The following PCDHA2 variants were observed in gnomAD, a reference collection of about 807,000 sequenced individuals.
PCDHA2 encodes the protein protocadherin alpha 2, also known as protocadherin alpha-2.
In PCDHA2, 58 loss-of-function variants were observed where a neutral mutation model predicts 66.0. The ratio of observed to expected loss-of-function variants is 0.88; its 90% confidence interval spans 0.71 to 1.09. PCDHA2 has a LOEUF of 1.09. PCDHA2 is among the 50% of genes least tolerant of loss of function. PCDHA2 has a pLI of 0.00. For synonymous variants in PCDHA2, 634 were observed against 554.0 expected (o/e 1.14, Z -2.03); for missense variants, 1,267 against 1,242.3 (o/e 1.02, Z -0.30).
At chr5:140,895,389 C>T (rs553681530) in intron 1 of PCDHA2, among the ~76,000 whole-genome samples, 1 of 152,098 alleles carries the variant, frequency 6.6e-6, no homozygotes, top group South Asian at 2.1e-4. Context: ...CTTCAATTCT[C>T]AACACCATCA....
At chr5:140,800,623 C>G (rs1253253440) in intron 1 of PCDHA2, among the ~76,000 whole-genome samples, 1 of 152,036 alleles carries the variant, frequency 6.6e-6, no homozygotes, top group African/African-American at 2.4e-5. Flanking sequence ...TCCCATCGTA[C>G]CAAGAGATAA....
chr5:140,884,441 GCACCGCCCACCGAGGGC>G (rs782266354), intron 1 of PCDHA2: 1 of 1,613,812 alleles, frequency 6.2e-7, no homozygotes, highest in Non-Finnish European at 8.5e-7. Flanking sequence ...GCGGTGCTCG[GCACCGCCCACCGAGGGC>G]GCGTGCGCGC....
intron 1 of PCDHA2, chr5:140,869,538 T>C (rs536846543): frequency 1.2e-6 from 2 of 1,614,204 alleles, no homozygotes; most frequent in East Asian, 4.5e-5. Context: ...TTGCGGAATC[T>C]AAGCAATCGG....
chr5:140,803,159 C>T (rs200661884), intron 1 of PCDHA2: 4 of 1,613,776 alleles, frequency 2.5e-6, no homozygotes, highest in African/African-American at 1.3e-5. Flanking sequence ...TGAAGGACCA[C>T]GGTGAACCCT....
intron 1 of PCDHA2, among the ~76,000 whole-genome samples, chr5:140,919,377 A>G (rs2079104195): frequency 1.3e-5 from 2 of 152,208 alleles, no homozygotes; most frequent in Non-Finnish European, 2.9e-5. Context: ...CAGACAACAC[A>G]TAGTTGGATG....
intron 1 of PCDHA2, chr5:140,870,154 G>T (rs1243170344): frequency 6.2e-7 from 1 of 1,614,130 alleles, no homozygotes; most frequent in African/African-American, 1.3e-5. Flanking sequence ...TGAAGTCGCC[G>T]TGACTTCCTT....
At chr5:140,943,624 G>C (rs2093534515) in intron 1 of PCDHA2, among the ~76,000 whole-genome samples, 2 of 152,106 alleles carry the variant, frequency 1.3e-5, no homozygotes, top group African/African-American at 4.8e-5. Context: ...ATCTGCATAA[G>C]GAAGCTGGAT....
In PCDHA2 at chr5:140,843,229, C is replaced by T. The variant is rs2150355539; in HGVS notation, c.2388+45877C>T. ...CGGGCGAGATCAGCACCACTCGTGT[C>T]CTGGACGAAGCGGACTCTCCGCGCC... is the stretch of plus-strand genomic sequence containing the variant. On this transcript the variant is annotated intron_variant, in intron 1 of 3. Transcript: ENST00000526136. The T allele has an allele frequency of 3.8e-6, 6 of 1,596,144 alleles. 1 individual carries two copies. Among genetic ancestry groups the T allele is most frequent in the East Asian group, 4.5e-5 (2 of 44,818 alleles).
At chr5:140,928,157 C>T (rs782528366) in intron 1 of PCDHA2, 9 of 1,614,200 alleles carry the variant, frequency 5.6e-6, no homozygotes, top group Non-Finnish European at 7.6e-6. Flanking sequence ...GATAGTGGCT[C>T]ACCCCCACTT....
At chr5:140,798,303 A>G (rs1242752677) in intron 1 of PCDHA2, among the ~76,000 whole-genome samples, 3 of 152,242 alleles carry the variant, frequency 2.0e-5, no homozygotes, top group Non-Finnish European at 4.4e-5. Flanking sequence ...TGTTTTTTAT[A>G]AGTAAAATAA....
At chr5:140,995,371 C>G (rs143381591) in intron 3 of PCDHA2, among the ~76,000 whole-genome samples, 3 of 152,120 alleles carry the variant, frequency 2.0e-5, no homozygotes, top group Admixed American at 1.3e-4. Flanking sequence ...GGATGATTCA[C>G]GTACTGGGCA....
chr5:140,858,256 G>C, intron 1 of PCDHA2: 1 of 1,596,658 alleles, frequency 6.3e-7, no homozygotes, highest in Non-Finnish European at 8.6e-7. Context: ...TGAAGCCCAC[G>C]CTGGTGTGCT....
chr5:140,836,633 C>T, intron 1 of PCDHA2: 1 of 1,613,432 alleles, frequency 6.2e-7, no homozygotes, highest in Non-Finnish European at 8.5e-7. Flanking sequence ...GCTGGTCATT[C>T]TCCCAGCAGA....
chr5:141,010,293 G>A lies in PCDHA2; in HGVS notation c.*356G>A. ...ATCCTGTCTTGATGACACTTGCAGG[G>A]CAGGCTGAAAAGTTTTGAGATTGAG... On this transcript the variant is annotated 3_prime_UTR_variant, in exon 4 of 4. Transcript: ENST00000526136. The A allele has an allele frequency of 6.5e-7, 1 of 1,549,794 alleles. No individual in the cohort carries two copies. The highest frequency in any genetic ancestry group is 2.4e-5 in the East Asian group (1 of 40,902).
intron 1 of PCDHA2, chr5:140,803,139 C>G (rs2149967376): frequency 6.2e-7 from 1 of 1,613,886 alleles, no homozygotes; most frequent in Non-Finnish European, 8.5e-7. Flanking sequence ...CCATCGCCTA[C>G]TGGTGCTGGT....
At position 140,933,976 on chromosome 5, in the gene PCDHA2, A is replaced by G. The variant is rs1359426492; in HGVS notation, c.2389-44973A>G. ...ATCTGTAGTGATGTTTCCCTTTTCA[A>G]TCCTGGTGTTAGTGTCACCTCTCAT... On this transcript the variant is annotated intron_variant, in intron 1 of 3. Coordinates refer to ENST00000526136, the MANE Select transcript of PCDHA2 (RefSeq NM_018905.3). Among the ~76,000 whole-genome samples, 3 of 151,666 alleles carry G rather than the reference A, an allele frequency of 2.0e-5. No homozygotes were observed. The East Asian group carries it at 5.8e-4, about 29-fold the overall frequency.
intron 1 of PCDHA2, chr5:140,834,596 T>A: frequency 6.2e-7 from 1 of 1,613,722 alleles, no homozygotes; most frequent in South Asian, 1.1e-5. Context: ...GCAAATTCCG[T>A]GGGGATCTTC....
At chr5:140,860,671 T>G (rs1339790199) in intron 1 of PCDHA2, 4 of 152,218 alleles carry the variant, frequency 2.6e-5, no homozygotes, top group Non-Finnish European at 2.9e-5. Flanking sequence ...TGAAATCAAA[T>G]GCACTTATGT....
chr5:140,884,233 T>A (rs782019323), intron 1 of PCDHA2: 1 of 1,613,364 alleles, frequency 6.2e-7, no homozygotes. Flanking sequence ...AGGACCACGG[T>A]GAGCCCGCGC....
Sources: allele counts gnomAD v4.1 joint callset (sites outside exome capture counted in the v4.1 genomes callset), GRCh38; gene constraint gnomAD v4.1.1; transcripts MANE v1.5; gene names NCBI Gene and HGNC (gene_info 2026-07-23, HGNC 2026-07-21).